TMTC3: variants seen among roughly 807,000 people sequenced by gnomAD.
TMTC3 encodes the protein transmembrane O-mannosyltransferase targeting cadherins 3, also known as protein O-mannosyl-transferase TMTC3.
In TMTC3, 52 loss-of-function variants were observed where a neutral mutation model predicts 92.2. That is an observed-to-expected ratio of 0.56 (90% CI 0.45 to 0.71). TMTC3 has a LOEUF of 0.71. Ranked by LOEUF, TMTC3 falls within the 30% of genes least tolerant of loss-of-function variation. The probability of loss-of-function intolerance (pLI) is 0.00; values close to 1 mark genes in which losing one functional copy is unlikely to be tolerated. For synonymous variants in TMTC3, 339 were observed against 363.3 expected (o/e 0.93, Z 0.76); for missense variants, 896 against 1,057.1 (o/e 0.85, Z 2.11).
chr12:88,187,471 C>T (rs1565957763), intron 10 of TMTC3, among the ~76,000 whole-genome samples: 1 of 152,040 alleles, frequency 6.6e-6, no homozygotes, highest in Non-Finnish European at 1.5e-5. Context: ...TTAAACTACA[C>T]AGGTATTCTG....
rs141159530 is a variant in TMTC3, at chr12:88,193,926, T to C, written c.1934-912T>C. Among the ~76,000 whole-genome samples the C allele has an allele frequency of 4.1e-4, 63 of 152,206 alleles. 1 individual carries two copies. In the East Asian group the frequency reaches 0.012, roughly 28 times the overall value. ...TTTTTTGCAATAGAAATTATCTCAA[T>C]GGAGATTTGTTTCCTGCCAGGCAGT... is the stretch of plus-strand genomic sequence containing the variant. On this transcript the variant is annotated intron_variant, in intron 13 of 13. Coordinates refer to ENST00000266712, the MANE Select transcript of TMTC3 (RefSeq NM_181783.4).
intron 1 of TMTC3, among the ~76,000 whole-genome samples, chr12:88,142,973 C>A (rs2040775451): frequency 6.6e-6 from 1 of 152,060 alleles, no homozygotes; most frequent in South Asian, 2.1e-4. Context: ...TGCTTGGTTA[C>A]CTAGGGTGCC....
chr12:88,166,601 C>T lies in TMTC3; in HGVS notation c.1050+19C>T. ...TTTAATGGTAAGAAACTTTTCTTAA[C>T]TTCCAAATGATGTTAACATTCAGTT... On this transcript the variant is annotated intron_variant, in intron 7 of 13. Transcript: ENST00000266712. 6.3e-7 allele frequency: 1 copy of T among 1,599,298 alleles called. No homozygotes were observed.
At chr12:88,160,970 T>C in intron 6 of TMTC3, 119 bp downstream of exon 6, 1 of 965,484 alleles carries the variant, frequency 1.0e-6, no homozygotes, top group Non-Finnish European at 1.5e-6. Context: ...AAGCTATAAT[T>C]AACATTTTTT....
At chr12:88,175,932 T>A (rs2041254518) in intron 9 of TMTC3, among the ~76,000 whole-genome samples, 1 of 152,150 alleles carries the variant, frequency 6.6e-6, no homozygotes, top group African/African-American at 2.4e-5. Context: ...AGAGCAGAAG[T>A]TTTGAAACAC....
At chr12:88,156,797 T>TTG (rs1000998177) in intron 4 of TMTC3, among the ~76,000 whole-genome samples, 1,908 of 118,520 alleles carry the variant, frequency 0.016, 95 homozygotes, top group Middle Eastern at 0.014. Context: ...TGCTAAGGTT[T>TTG]TGTGTGTGTG....
At chr12:88,149,643 A>G (rs1235108474) in intron 2 of TMTC3, among the ~76,000 whole-genome samples, 1 of 152,190 alleles carries the variant, frequency 6.6e-6, no homozygotes. Flanking sequence ...ACTCTCTGCA[A>G]TGTTAACAGT....
chr12:88,183,920 C>T (rs1175532460), intron 10 of TMTC3, among the ~76,000 whole-genome samples: 1 of 152,120 alleles, frequency 6.6e-6, no homozygotes, highest in African/African-American at 2.4e-5. Context: ...CTGAACAATT[C>T]CCTCGAACTT....
chr12:88,165,915 C>T (rs1252752106), intron 6 of TMTC3, among the ~76,000 whole-genome samples: 1 of 152,060 alleles, frequency 6.6e-6, no homozygotes, highest in African/African-American at 2.4e-5. Context: ...AAAGAAATGT[C>T]TCATGTAGGA....
chr12:88,176,527 G>T (rs1422860176), intron 10 of TMTC3, among the ~76,000 whole-genome samples: 2 of 152,094 alleles, frequency 1.3e-5, no homozygotes, highest in African/African-American at 4.8e-5. Context: ...TGTATTCCCA[G>T]CACTTTGGGA....
rs199937542 is a variant in TMTC3, at chr12:88,148,405, T to C, written c.90T>C (p.Phe30=). ...YWNSLFCGFV[F]DDVSAILDNK... The stretch of plus-strand genomic sequence containing the variant: ...ACAGCCTCTTTTGTGGTTTTGTTTT[T>C]GATGATGTTTCAGCAATACTGGATA... The change falls in exon 2 of 14, where the codon TTT becomes TTC. Residue 30 remains phenylalanine (F), a synonymous_variant. Transcript: ENST00000266712. 6.2e-7 allele frequency: 1 copy of C among 1,613,726 alleles called. No homozygotes were observed. The highest frequency in any genetic ancestry group is 2.2e-5 in the East Asian group (1 of 44,840).
At chr12:88,170,870 G>C (rs891030912) in intron 7 of TMTC3, among the ~76,000 whole-genome samples, 1 of 152,142 alleles carries the variant, frequency 6.6e-6, no homozygotes, top group Non-Finnish European at 1.5e-5. Context: ...GTATAATGTG[G>C]AAACCACATG....
At chr12:88,148,202 A>G (rs1004023552) in intron 1 of TMTC3, 86 bp from the exon 2 acceptor site, 11 of 767,832 alleles carry the variant, frequency 1.4e-5, no homozygotes, top group Non-Finnish European at 2.3e-5. Flanking sequence ...TGGAGAATTA[A>G]TATGCAATTA....
intron 10 of TMTC3, among the ~76,000 whole-genome samples, chr12:88,187,190 A>G (rs1370590201): frequency 6.6e-6 from 1 of 150,756 alleles, no homozygotes; most frequent in Non-Finnish European, 1.5e-5. Flanking sequence ...AAAGATATAA[A>G]AGCAAAGACT....
At chr12:88,179,454 T>C (rs1254653918) in intron 10 of TMTC3, among the ~76,000 whole-genome samples, 1 of 152,206 alleles carries the variant, frequency 6.6e-6, no homozygotes. Flanking sequence ...TTGTATGGGT[T>C]ATGTTAAATA....
chr12:88,161,009 T>G (rs774792538), intron 6 of TMTC3, among the ~76,000 whole-genome samples, 158 bp downstream of exon 6: 1 of 152,162 alleles, frequency 6.6e-6, no homozygotes, highest in Non-Finnish European at 1.5e-5. Flanking sequence ...ATTTATGTAC[T>G]GATAATTTTT....
At chr12:88,193,917 T>C (rs975347078) in intron 13 of TMTC3, among the ~76,000 whole-genome samples, 2 of 152,178 alleles carry the variant, frequency 1.3e-5, no homozygotes, top group East Asian at 3.9e-4. Context: ...GCAATAGAAA[T>C]TATCTCAATG....
Position 88,159,540 on chromosome 12 carries a change from G to A in TMTC3, c.509-574G>A, listed in dbSNP as rs78028614. 6.2e-3 allele frequency among the ~76,000 whole-genome samples: 941 copies of A among 151,898 alleles called. 15 individuals carry two copies. Among genetic ancestry groups the A allele is most frequent in the African/African-American group, 0.022 (901 of 41,410 alleles). On this transcript the variant is annotated intron_variant, in intron 4 of 13. Transcript: ENST00000266712. The stretch of plus-strand genomic sequence containing the variant: ...TAGCCAGATGTGGTGGCACATGCCT[G>A]TAGTCCTATTTGGGAGGCTGAGGCA...
rs769763214 is a variant in TMTC3, at chr12:88,166,695, C to T, written c.1050+113C>T. The T allele has an allele frequency of 4.9e-5, 57 of 1,172,654 alleles. No individual in the cohort carries two copies. The South Asian group carries it at 6.2e-4, about 13-fold the overall frequency. The allele number at this position is 1,172,654 out of a possible 1,614,324, so 72.6% of individuals were successfully genotyped here. A position where few individuals can be genotyped will look rare whatever the true frequency, so the allele number is the denominator to read the frequency against. On this transcript the variant is annotated intron_variant, in intron 7 of 13. Transcript: ENST00000266712. The stretch of plus-strand genomic sequence containing the variant: ...TAGAAGCACTCCTTTCTTTGTTCAA[C>T]GGCATCCCAATTTATAAACGTATTT...
Sources: gnomAD v4.1 joint callset for allele counts (sites outside exome capture counted in the v4.1 genomes callset) on GRCh38, gnomAD v4.1.1 for gene constraint, MANE v1.5 for transcripts, NCBI Gene and HGNC (gene_info 2026-07-23, HGNC 2026-07-21) for gene names.